MAP4K4: variants seen among roughly 807,000 people sequenced by gnomAD.
MAP4K4 encodes HPK/GCK-like kinase HGK.
A neutral mutation model predicts 189.6 loss-of-function variants in MAP4K4; 38 were observed. The observed-to-expected ratio is 0.20, with a 90% CI of 0.15 to 0.26. MAP4K4 has a LOEUF of 0.26. MAP4K4 is among the 10% of genes least tolerant of loss of function. The pLI is 1.00. For missense variants in MAP4K4, 1,054 were observed against 1,726.9 expected (o/e 0.61, Z 6.91); for synonymous variants, 610 against 624.3 (o/e 0.98, Z 0.34).
At chr2:101,755,625 T>G (rs2072074918) in intron 2 of MAP4K4, among the ~76,000 whole-genome samples, 1 of 152,004 alleles carries the variant, frequency 6.6e-6, no homozygotes, top group Admixed American at 6.6e-5. Flanking sequence ...GCACACTCTT[T>G]TCTTCTTCTT....
chr2:101,875,714 C>T (rs2098182362), intron 26 of MAP4K4, among the ~76,000 whole-genome samples: 1 of 152,152 alleles, frequency 6.6e-6, no homozygotes, highest in African/African-American at 2.4e-5. Flanking sequence ...AATGTAGGGT[C>T]ATCTGTGCTA....
chr2:101,891,471 A>G (rs937680427), exon 33 of MAP4K4: 6 of 488,196 alleles, frequency 1.2e-5, no homozygotes, highest in Non-Finnish European at 2.2e-5. Context: ...CAAGGCTGCA[A>G]TGCAGCTGGT....
chr2:101,783,346 A>G (rs189776498), intron 2 of MAP4K4, among the ~76,000 whole-genome samples: 137 of 152,322 alleles, frequency 9.0e-4, no homozygotes, highest in African/African-American at 3.1e-3. Flanking sequence ...TCACACACCA[A>G]ACCCCCAGCT....
chr2:101,880,234 C>T (rs949740712), intron 27 of MAP4K4, among the ~76,000 whole-genome samples: 1 of 152,014 alleles, frequency 6.6e-6, no homozygotes. Flanking sequence ...ATGAATTGTG[C>T]TTCTGGTATT....
Position 101,760,528 on chromosome 2 carries a change from A to ATGTG in MAP4K4, c.124-30191_124-30190insGTGT, listed in dbSNP as rs1445696926. On this transcript the variant is annotated intron_variant, in intron 2 of 32. Transcript: ENST00000324219. Reference sequence around the variant, plus strand: ...AATATATATATATATATATATGTATATATGTGTGTGTGTGTGTGTGTGTGT... The same window carrying ATGTG: ...AATATATATATATATATATATGTATATGTGTATGTGTGTGTGTGTGTGTGTGTGT... Among the ~76,000 whole-genome samples the ATGTG allele has an allele frequency of 2.4e-4, 26 of 108,510 alleles. 1 individual carries two copies. The highest frequency in any genetic ancestry group is 1.2e-3 in the African/African-American group (25 of 21,584). The allele number at this position is 108,510 out of a possible 152,430, so 71.2% of individuals were successfully genotyped here. A position where few individuals can be genotyped will look rare whatever the true frequency, so the allele number is the denominator to read the frequency against.
rs566411175 is a variant in MAP4K4 at position 101,885,170 on chromosome 2, T to C, written c.3521-17T>C. 1.4e-4 allele frequency: 210 copies of C among 1,490,042 alleles called. 1 individual carries two copies. In the Middle Eastern group the frequency reaches 2.4e-3, roughly 17 times the overall value. The allele number at this position is 1,490,042 out of a possible 1,614,324, so 92.3% of individuals were successfully genotyped here. A position where few individuals can be genotyped will look rare whatever the true frequency, so the allele number is the denominator to read the frequency against. ...CTGACCTGTGCTTCTCTTGCTTTTT[T>C]ATTTGCTGCTTTTCAGTAAAATATG... On this transcript the variant is annotated splice_polypyrimidine_tract_variant and intron_variant, in intron 28 of 32. Coordinates refer to ENST00000324219, the Ensembl canonical transcript of MAP4K4.
At chr2:101,771,095 G>C (rs1199969103) in intron 2 of MAP4K4, among the ~76,000 whole-genome samples, 1 of 152,188 alleles carries the variant, frequency 6.6e-6, no homozygotes. Context: ...ATATCACCAT[G>C]TTCACATAAA....
At chr2:101,737,673 C>T (rs1251199291) in intron 2 of MAP4K4, among the ~76,000 whole-genome samples, 4 of 151,240 alleles carry the variant, frequency 2.6e-5, no homozygotes, top group Admixed American at 6.6e-5. Context: ...CTCTGCCACT[C>T]CTTTTGAATT....
At chr2:101,859,144 G>A in intron 14 of MAP4K4, 62 bp downstream of exon 14, 2 of 1,483,586 alleles carry the variant, frequency 1.3e-6, no homozygotes, top group Non-Finnish European at 1.9e-6. Flanking sequence ...CCCCAAAGTT[G>A]AGCAAGCTGT....
At chr2:101,806,723 A>T (rs1003589279) in intron 3 of MAP4K4, among the ~76,000 whole-genome samples, 2 of 152,070 alleles carry the variant, frequency 1.3e-5, no homozygotes, top group African/African-American at 4.8e-5. Context: ...ACTTTTGTTC[A>T]CTCACTGAAG....
intron 3 of MAP4K4, among the ~76,000 whole-genome samples, chr2:101,809,973 C>G (rs2095310413): frequency 6.6e-6 from 1 of 152,178 alleles, no homozygotes; most frequent in Non-Finnish European, 1.5e-5. Flanking sequence ...ATTTAAAAGC[C>G]CAACATGATT....
intron 11 of MAP4K4, among the ~76,000 whole-genome samples, chr2:101,843,538 C>G (rs2096985534): frequency 6.6e-6 from 1 of 152,100 alleles, no homozygotes; most frequent in African/African-American, 2.4e-5. Flanking sequence ...CCATGCTGCT[C>G]TGGATGCTGT....
At chr2:101,877,819 C>T (rs542933844) in intron 27 of MAP4K4, among the ~76,000 whole-genome samples, 35 of 149,660 alleles carry the variant, frequency 2.3e-4, no homozygotes, top group African/African-American at 7.1e-4. Context: ...GCACAATCTC[C>T]GCTCACTGCA....
At chr2:101,729,222 A>C (rs7589689) in intron 2 of MAP4K4, among the ~76,000 whole-genome samples, 14,978 of 145,450 alleles carry the variant, frequency 0.1, 1,219 homozygotes, top group African/African-American at 0.24. Flanking sequence ...TACTCAGAAA[A>C]TATAGTTTTT....
intron 25 of MAP4K4, 102 bp downstream of exon 25, chr2:101,873,866 C>A: frequency 1.1e-6 from 1 of 878,600 alleles, no homozygotes; most frequent in Non-Finnish European, 1.8e-6. Context: ...CAGGCACAGA[C>A]CTCGGGTACA....
At chr2:101,758,026 A>AAAAC (rs767644795) in intron 2 of MAP4K4, among the ~76,000 whole-genome samples, 1 of 152,220 alleles carries the variant, frequency 6.6e-6, no homozygotes, top group African/African-American at 2.4e-5. Flanking sequence ...TCCATCTCAA[A>AAAAC]AAACAAACAA....
intron 3 of MAP4K4, among the ~76,000 whole-genome samples, chr2:101,802,606 A>G (rs1291742479): frequency 6.6e-6 from 1 of 151,810 alleles, no homozygotes; most frequent in Non-Finnish European, 1.5e-5. Context: ...TCACTCCCAC[A>G]CTTTCTTCAT....
intron 2 of MAP4K4, among the ~76,000 whole-genome samples, chr2:101,707,278 G>A (rs917188992): frequency 2.1e-5 from 3 of 146,162 alleles, no homozygotes; most frequent in African/African-American, 7.6e-5. Flanking sequence ...GCGCCATCTT[G>A]GCTTACTGTA....
chr2:101,797,283 T>G, intron 3 of MAP4K4: 1 of 1,290,822 alleles, frequency 7.7e-7, no homozygotes, highest in Non-Finnish European at 1.0e-6. Flanking sequence ...GCCTTACAGC[T>G]TCGTACTGGC....
Sources: allele counts gnomAD v4.1 joint callset (sites outside exome capture counted in the v4.1 genomes callset), GRCh38; gene constraint gnomAD v4.1.1; transcripts MANE v1.5; gene names NCBI Gene and HGNC (gene_info 2026-07-23, HGNC 2026-07-21).